Variants in CLSTN1 observed in about 807,000 individuals in gnomAD.
The protein encoded by CLSTN1 is calsyntenin-1.
CLSTN1 carries 28 observed loss-of-function variants against 108.3 expected under a neutral mutation model. The ratio of observed to expected loss-of-function variants is 0.26; its 90% confidence interval spans 0.19 to 0.35. The LOEUF is 0.35. Ranked by LOEUF, CLSTN1 falls within the 10% of genes least tolerant of loss-of-function variation. The probability of loss-of-function intolerance (pLI) is 1.00; values close to 1 mark genes in which losing one functional copy is unlikely to be tolerated. For missense variants in CLSTN1, 1,157 were observed against 1,302.6 expected (o/e 0.89, Z 1.72); for synonymous variants, 524 against 534.9 (o/e 0.98, Z 0.28).
In CLSTN1 at chr1:9,741,075, G is replaced by T. The variant is rs368750889; in HGVS notation, c.1519+19C>A. ...ACAACTTAATTCTCGAGTCGAGGGCGGGGGGTAATGACAGGTACCTTGCCA... is the reference window on the plus strand; with the variant it reads ...ACAACTTAATTCTCGAGTCGAGGGCTGGGGGTAATGACAGGTACCTTGCCA... On this transcript the variant is annotated intron_variant, in intron 10 of 18. Coordinates refer to ENST00000377298, the MANE Select transcript of CLSTN1 (RefSeq NM_001009566.3). The T allele has an allele frequency of 2.5e-6, 4 of 1,605,604 alleles. No individual in the cohort carries two copies. The highest frequency in any genetic ancestry group is 2.2e-5 in the East Asian group (1 of 44,698).
intron 1 of CLSTN1, among the ~76,000 whole-genome samples, chr1:9,812,993 A>G (rs1220387): frequency 1 from 151,640 of 151,826 alleles, 75,727 homozygotes; most frequent in Middle Eastern, 1. Context: ...GTGAAACCCC[A>G]TCTCTACTAA....
chr1:9,774,440 C>T (rs1652839904), intron 1 of CLSTN1, among the ~76,000 whole-genome samples: 1 of 151,896 alleles, frequency 6.6e-6, no homozygotes, highest in African/African-American at 2.4e-5. Context: ...GTGGCACACA[C>T]CTGTAATCCC....
At position 9,741,098 on chromosome 1, in the gene CLSTN1, C is replaced by T; in HGVS notation, c.1515G>A (p.Trp505Ter). ...IETQLVVGAC[W>*]QEFSGVENDN... ...GCGGGGGGTAATGACAGGTACCTTG[C>T]CAGCAAGCCCCCACCACGAGCTGAG... is the stretch of plus-strand genomic sequence containing the variant. Residue 505 changes from tryptophan to a stop codon, truncating the protein, a stop_gained, in exon 10 of 19, where the codon TGG (tryptophan) becomes TGA (stop). Transcript: ENST00000377298. LOFTEE classifies it high-confidence loss of function. 1 of 1,612,612 alleles carries T rather than the reference C, an allele frequency of 6.2e-7. No individual in the cohort carries two copies. The highest frequency in any genetic ancestry group is 8.5e-7 in the Non-Finnish European group (1 of 1,179,114).
chr1:9,801,176 C>T (rs756146455), intron 1 of CLSTN1, among the ~76,000 whole-genome samples: 1 of 152,054 alleles, frequency 6.6e-6, no homozygotes, highest in South Asian at 2.1e-4. Flanking sequence ...ACCCAGGCGG[C>T]GGAGGTTGCA....
Position 9,813,814 on chromosome 1 carries a change from T to C in CLSTN1, c.91+9829A>G, listed in dbSNP as rs571727795. On this transcript the variant is annotated intron_variant, in intron 1 of 18. Coordinates refer to ENST00000377298, the MANE Select transcript of CLSTN1 (RefSeq NM_001009566.3). ...CCTCAAAAGTACTATATAAGAAACA[T>C]GTTGGCTGGGCGCGGTGGCTCGCAC... 5.9e-5 allele frequency among the ~76,000 whole-genome samples: 9 copies of C among 152,214 alleles called. No individual in the cohort carries two copies. In the South Asian group the frequency reaches 1.2e-3, roughly 21 times the overall value.
intron 2 of CLSTN1, among the ~76,000 whole-genome samples, chr1:9,758,957 C>T (rs1252280816): frequency 1.3e-5 from 2 of 152,204 alleles, no homozygotes; most frequent in Non-Finnish European, 2.9e-5. Flanking sequence ...TGGGGCTGTT[C>T]AAATGCAAAT....
At chr1:9,769,809 G>A (rs1002976390) in intron 2 of CLSTN1, among the ~76,000 whole-genome samples, 9 of 152,100 alleles carry the variant, frequency 5.9e-5, no homozygotes, top group South Asian at 2.1e-4. Context: ...TTGGGAAGCC[G>A]AGGCAGGCAG....
chr1:9,797,722 T>C (rs148650414), intron 1 of CLSTN1, among the ~76,000 whole-genome samples: 1 of 151,924 alleles, frequency 6.6e-6, no homozygotes, highest in East Asian at 1.9e-4. Context: ...CAGAGGAGGC[T>C]TGGCTAGGAA....
At chr1:9,754,986 A>G (rs1405161526) in intron 4 of CLSTN1, 128 bp downstream of exon 4, 19 of 678,104 alleles carry the variant, frequency 2.8e-5, no homozygotes, top group Non-Finnish European at 3.8e-5. Context: ...AATTGTAGAC[A>G]CTTGAGAACT....
rs974231671 is a variant in CLSTN1 at position 9,823,894 on chromosome 1, G to C, written c.-161C>G. On this transcript the variant is annotated 5_prime_UTR_variant, in exon 1 of 19. Transcript: ENST00000377298. The surrounding 1 kb of genome is among the most constrained non-coding windows in gnomAD (Gnocchi z 6.3). ...GCCGCCGCCGCCGTGACGCTGGGCC[G>C]CGCGCTCAGGACGCGGCGCCCTCCC... 7.9e-5 allele frequency: 15 copies of C among 189,352 alleles called. No homozygotes were observed. Among genetic ancestry groups the C allele is most frequent in the Admixed American group, 5.1e-4 (8 of 15,734 alleles). The allele number at this position is 189,352 out of a possible 1,614,324, so 11.7% of individuals were successfully genotyped here.
intron 1 of CLSTN1, among the ~76,000 whole-genome samples, chr1:9,799,114 G>A (rs899286565): frequency 6.6e-5 from 10 of 152,118 alleles, no homozygotes; most frequent in Non-Finnish European, 8.8e-5. Flanking sequence ...CCAGGAGGTC[G>A]AGGATCCAGT....
chr1:9,769,954 C>T (rs1652586844), intron 2 of CLSTN1, among the ~76,000 whole-genome samples: 1 of 151,020 alleles, frequency 6.6e-6, no homozygotes, highest in African/African-American at 2.4e-5. Context: ...GGCGTGAACC[C>T]GGGAGGCAGA....
intron 1 of CLSTN1, among the ~76,000 whole-genome samples, chr1:9,778,358 G>T (rs1293594464): frequency 6.6e-6 from 1 of 152,032 alleles, no homozygotes; most frequent in African/African-American, 2.4e-5. Context: ...TTTGGGAAAT[G>T]AGTATATAAG....
chr1:9,804,781 G>C (rs957915339), intron 1 of CLSTN1, among the ~76,000 whole-genome samples: 1 of 152,242 alleles, frequency 6.6e-6, no homozygotes, highest in East Asian at 1.9e-4. Flanking sequence ...GCAGTGAGCC[G>C]AGTTTATGCC....
At chr1:9,793,624 G>A (rs1448791061) in intron 1 of CLSTN1, among the ~76,000 whole-genome samples, 2 of 151,394 alleles carry the variant, frequency 1.3e-5, no homozygotes, top group African/African-American at 4.8e-5. Flanking sequence ...CAGCCTTCCT[G>A]GGCAATTTCC....
In CLSTN1 at chr1:9,823,572, G is replaced by A. The variant is rs1259673833; in HGVS notation, c.91+71C>T. ...GCACCCGGACCCGAATCCCCGCACC[G>A]GGACCCGAATCCTGCACCCGGACCC... On this transcript the variant is annotated intron_variant, in intron 1 of 18. Transcript: ENST00000377298. The surrounding 1 kb of genome is among the most constrained non-coding windows in gnomAD (Gnocchi z 6.3). 9 of 1,037,898 alleles carry A rather than the reference G, an allele frequency of 8.7e-6. No individual in the cohort carries two copies. Among genetic ancestry groups the A allele is most frequent in the Non-Finnish European group, 1.1e-5 (9 of 829,872 alleles). The allele number at this position is 1,037,898 out of a possible 1,614,324, so 64.3% of individuals were successfully genotyped here.
At chr1:9,814,246 C>T (rs1445396909) in intron 1 of CLSTN1, among the ~76,000 whole-genome samples, 1 of 127,748 alleles carries the variant, frequency 7.8e-6, no homozygotes, top group Non-Finnish European at 1.6e-5. Flanking sequence ...CCCATCTCTA[C>T]CAAAAAAAAA....
At chr1:9,787,030 G>A (rs1653528276) in intron 1 of CLSTN1, among the ~76,000 whole-genome samples, 1 of 151,386 alleles carries the variant, frequency 6.6e-6, no homozygotes, top group Admixed American at 6.7e-5. Flanking sequence ...GAAGTTGGGG[G>A]TGAAGAGGTG....
chr1:9,818,151 G>A (rs1356696813), intron 1 of CLSTN1, among the ~76,000 whole-genome samples: 1 of 150,596 alleles, frequency 6.6e-6, no homozygotes, highest in African/African-American at 2.4e-5. Flanking sequence ...GGGACTACAG[G>A]CATATGCCAC....
Sources: gnomAD v4.1 joint callset for allele counts (sites outside exome capture counted in the v4.1 genomes callset) on GRCh38, gnomAD v4.1.1 for gene constraint, Gnocchi (gnomAD v3.1) non-coding constraint, MANE v1.5 for transcripts, NCBI Gene and HGNC (gene_info 2026-07-23, HGNC 2026-07-21) for gene names.